SHROOM3: variants seen among roughly 807,000 people sequenced by gnomAD.
The protein encoded by SHROOM3 is shroom family member 3.
Under a neutral mutation model 138.6 loss-of-function variants are expected in SHROOM3, and 47 were observed. That is an observed-to-expected ratio of 0.34 (90% CI 0.27 to 0.43). The LOEUF (loss-of-function observed/expected upper bound fraction) is 0.43. SHROOM3 is among the 20% of genes least tolerant of loss of function. The pLI is 1.00. For synonymous variants in SHROOM3, 1,062 were observed against 1,063.3 expected (o/e 1.00, Z 0.02); for missense variants, 2,491 against 2,596.5 (o/e 0.96, Z 0.88).
At chr4:76,545,779 T>A (rs1235767077) in intron 1 of SHROOM3, among the ~76,000 whole-genome samples, 1 of 152,216 alleles carries the variant, frequency 6.6e-6, no homozygotes, top group Non-Finnish European at 1.5e-5. Flanking sequence ...GTGGTTAGTC[T>A]TATTGTTCCC....
intron 2 of SHROOM3, among the ~76,000 whole-genome samples, chr4:76,570,785 T>TAA (rs1305266941): frequency 6.6e-6 from 1 of 152,206 alleles, no homozygotes; most frequent in Non-Finnish European, 1.5e-5. Flanking sequence ...GAGGGCTGTG[T>TAA]AATAATTCAT....
At chr4:76,609,785 A>C (rs539136759) in intron 2 of SHROOM3, among the ~76,000 whole-genome samples, 11 of 152,346 alleles carry the variant, frequency 7.2e-5, no homozygotes, top group Admixed American at 2.0e-4. Flanking sequence ...AGAGTCTAGA[A>C]TATCATGTTT....
intron 1 of SHROOM3, among the ~76,000 whole-genome samples, chr4:76,553,062 C>A (rs1481701895): frequency 6.6e-6 from 1 of 152,210 alleles, no homozygotes; most frequent in Non-Finnish European, 1.5e-5. Flanking sequence ...ATTTTGTCCA[C>A]TTTTATAGCC....
At chr4:76,662,253 G>C (rs539562344) in intron 2 of SHROOM3, among the ~76,000 whole-genome samples, 1 of 152,174 alleles carries the variant, frequency 6.6e-6, no homozygotes, top group South Asian at 2.1e-4. Context: ...TCTTGTTGTT[G>C]TTTGAATTCA....
chr4:76,564,099 T>C (rs1324698593), intron 2 of SHROOM3, among the ~76,000 whole-genome samples: 1 of 152,174 alleles, frequency 6.6e-6, no homozygotes, highest in African/African-American at 2.4e-5. Context: ...CACCCTCCCA[T>C]GCCCCGCTCT....
chr4:76,749,927 C>A (rs974299350), intron 6 of SHROOM3, among the ~76,000 whole-genome samples: 35 of 152,162 alleles, frequency 2.3e-4, no homozygotes, highest in African/African-American at 7.7e-4. Context: ...AATGATAATA[C>A]ACCTACACCC....
At chr4:76,451,566 G>T (rs1451211692) in intron 1 of SHROOM3, among the ~76,000 whole-genome samples, 2 of 152,188 alleles carry the variant, frequency 1.3e-5, no homozygotes, top group Non-Finnish European at 2.9e-5. Flanking sequence ...CATGAAAGTT[G>T]TAAATTTCTG....
chr4:76,458,779 A>C (rs1731084066), intron 1 of SHROOM3, among the ~76,000 whole-genome samples: 1 of 152,162 alleles, frequency 6.6e-6, no homozygotes, highest in African/African-American at 2.4e-5. Flanking sequence ...AAGCATTTTT[A>C]CCAGGCAGAA....
intron 1 of SHROOM3, among the ~76,000 whole-genome samples, chr4:76,445,923 C>G (rs938152095): frequency 6.6e-6 from 1 of 152,158 alleles, no homozygotes; most frequent in African/African-American, 2.4e-5. Flanking sequence ...CTGTCAACAT[C>G]ATAGTAACTT....
intron 2 of SHROOM3, among the ~76,000 whole-genome samples, chr4:76,678,069 G>C (rs1719091683): frequency 6.6e-6 from 1 of 152,166 alleles, no homozygotes; most frequent in Non-Finnish European, 1.5e-5. Flanking sequence ...TAGAGAATAA[G>C]AGAGGTGAAT....
At chr4:76,484,707 G>T (rs184534256) in intron 1 of SHROOM3, among the ~76,000 whole-genome samples, 179 of 152,232 alleles carry the variant, frequency 1.2e-3, no homozygotes, top group African/African-American at 4.3e-3. Context: ...CAAAACTGTG[G>T]ATGTTTTGTG....
At chr4:76,535,140 TG>T (rs1732924934) in intron 1 of SHROOM3, among the ~76,000 whole-genome samples, 1 of 152,200 alleles carries the variant, frequency 6.6e-6, no homozygotes, top group Non-Finnish European at 1.5e-5. Flanking sequence ...TTATCTTTTT[TG>T]TAGGCCTTTC....
At chr4:76,742,218 G>T in intron 5 of SHROOM3, 6 of 433,278 alleles carry the variant, frequency 1.4e-5, no homozygotes, top group South Asian at 5.6e-5. Flanking sequence ...GCAAGGTTAA[G>T]AAAAATTAGG....
rs1445997382 is a variant in SHROOM3, at chr4:76,735,857, AAAAAAAAAAAAATATATATATATATAT to A, written c.588-2902_588-2876del. On this transcript the variant is annotated intron_variant, in intron 4 of 10. Transcript: ENST00000296043. ...TCTATCTTAAAAAAAAAAAAAAAAAAAAAAAAAAAAAATATATATATATATATATATATATATATATATATATTTTAG... is the reference window on the plus strand; with the variant it reads ...TCTATCTTAAAAAAAAAAAAAAAAAAATATATATATATATATATATTTTAG... Among the ~76,000 whole-genome samples, 404 of 43,984 alleles carry A rather than the reference AAAAAAAAAAAAATATATATATATATAT, an allele frequency of 9.2e-3. 3 individuals carry two copies. The highest frequency in any genetic ancestry group is 0.032 in the African/African-American group (331 of 10,438). The allele number at this position is 43,984 out of a possible 152,430, so 28.9% of individuals were successfully genotyped here.
chr4:76,690,107 T>G lies in SHROOM3; in HGVS notation c.324-20049T>G, dbSNP rs571146794. On this transcript the variant is annotated intron_variant, in intron 2 of 10. Coordinates refer to ENST00000296043, the MANE Select transcript of SHROOM3 (RefSeq NM_020859.4). ...GTTTCTGTAGGAAAGGCTCCTGAAG[T>G]GCGTTGAGGGGCACGCCTACCCCCA... Among the ~76,000 whole-genome samples, 4 of 152,302 alleles carry G rather than the reference T, an allele frequency of 2.6e-5. 1 individual carries two copies. In the South Asian group the frequency reaches 8.3e-4, roughly 32 times the overall value.
intron 2 of SHROOM3, chr4:76,586,174 C>A: frequency 1.1e-6 from 1 of 883,678 alleles, no homozygotes; most frequent in Non-Finnish European, 1.4e-6. Flanking sequence ...GGCAGGCGGC[C>A]GGCGATTGGC....
intron 6 of SHROOM3, among the ~76,000 whole-genome samples, chr4:76,750,512 G>T (rs886268290): frequency 1.3e-5 from 2 of 152,136 alleles, no homozygotes; most frequent in African/African-American, 4.8e-5. Context: ...GTGCCTATTT[G>T]AGGGTGGAGG....
intron 4 of SHROOM3, among the ~76,000 whole-genome samples, chr4:76,733,894 T>C (rs1220544162): frequency 6.6e-6 from 1 of 152,092 alleles, no homozygotes; most frequent in African/African-American, 2.4e-5. Flanking sequence ...CTAGGTTGGA[T>C]TTGGAATTTC....
In SHROOM3 at chr4:76,779,167, C is replaced by T. The variant is rs777118916; in HGVS notation, c.5981C>T (p.Ser1994Phe). 2.5e-6 allele frequency: 4 copies of T among 1,608,712 alleles called. No individual in the cohort carries two copies. In the African/African-American group the frequency reaches 5.4e-5, roughly 22 times the overall value. The change falls in exon 11 of 11, where the codon TCT (serine) becomes TTT (phenylalanine). Residue 1994 changes from serine to phenylalanine, a missense_variant. This residue lies in a region of SHROOM3 where 470 missense variants were observed against 595.0 expected (regional missense o/e 0.79). Coordinates refer to ENST00000296043, the MANE Select transcript of SHROOM3 (RefSeq NM_020859.4). Reference sequence around the variant, plus strand: ...AGTGGTATTTTCCCAACATTAACCTCTCCACTTTAACCTCTTCTAAAATAC... The same window carrying T: ...AGTGGTATTTTCCCAACATTAACCTTTCCACTTTAACCTCTTCTAAAATAC... ...TFSGIFPTLT[S>F]PL
Sources: allele counts gnomAD v4.1 joint callset (sites outside exome capture counted in the v4.1 genomes callset), GRCh38; gene constraint gnomAD v4.1.1; regional missense constraint gnomAD v4.1.1; transcripts MANE v1.5; gene names NCBI Gene and HGNC (gene_info 2026-07-23, HGNC 2026-07-21).